The following SLC4A5 variants were observed in gnomAD, a reference collection of about 807,000 sequenced individuals.
SLC4A5 encodes the protein solute carrier family 4 member 5.
In SLC4A5, 96 loss-of-function variants were observed where a neutral mutation model predicts 120.4. That is an observed-to-expected ratio of 0.80 (90% CI 0.68 to 0.94). The LOEUF is 0.94. Among genes scored for constraint, SLC4A5 ranks in the 40% least tolerant of loss-of-function variants. The probability of loss-of-function intolerance (pLI) is 0.00; values close to 1 mark genes in which losing one functional copy is unlikely to be tolerated. For synonymous variants in SLC4A5, 550 were observed against 571.1 expected, an observed-to-expected ratio of 0.96 and a Z score of 0.53; for missense variants, 1,259 against 1,459.5, an observed-to-expected ratio of 0.86 and a Z score of 2.24.
At chr2:74,227,049 G>C (rs767939908) in exon 27 of SLC4A5, 3 of 1,614,152 alleles carry the variant, frequency 1.9e-6, no homozygotes, top group South Asian at 2.2e-5. Context: ...AGGTGGATCC[G>C]GCGCAGCGGC....
chr2:74,241,124 T>C (rs897434599), intron 20 of SLC4A5, among the ~76,000 whole-genome samples: 3 of 151,826 alleles, frequency 2.0e-5, no homozygotes, highest in Non-Finnish European at 4.4e-5. Context: ...CTGCTAGAAA[T>C]TGGGGGTCCT....
intron 23 of SLC4A5, among the ~76,000 whole-genome samples, chr2:74,233,013 G>A (rs985503415): frequency 6.6e-6 from 1 of 152,188 alleles, no homozygotes; most frequent in Non-Finnish European, 1.5e-5. Context: ...GGGGTGACCC[G>A]AGTCTTCTCA....
exon 20 of SLC4A5, chr2:74,242,011 C>A: frequency 6.2e-7 from 1 of 1,606,354 alleles, no homozygotes; most frequent in South Asian, 1.1e-5. Flanking sequence ...GCGTTGGTGT[C>A]TGGTGCCAAT....
intron 27 of SLC4A5, among the ~76,000 whole-genome samples, chr2:74,225,915 A>G (rs1217362516): frequency 6.6e-6 from 1 of 152,082 alleles, no homozygotes; most frequent in African/African-American, 2.4e-5. Context: ...CTCATCTGTA[A>G]AGCGGGGTTA....
intron 7 of SLC4A5, among the ~76,000 whole-genome samples, chr2:74,300,964 C>CA (rs1672462208): frequency 6.6e-6 from 1 of 152,156 alleles, no homozygotes; most frequent in African/African-American, 2.4e-5. Context: ...AAATGTGGTT[C>CA]AAGGAAGCAT....
chr2:74,313,235 T>C (rs1251854703), intron 6 of SLC4A5, among the ~76,000 whole-genome samples: 9 of 151,828 alleles, frequency 5.9e-5, no homozygotes, highest in African/African-American at 1.9e-4. Context: ...TTCTCTCATC[T>C]CTGAGTGTAT....
exon 10 of SLC4A5, chr2:74,264,275 T>G: frequency 6.2e-7 from 1 of 1,614,094 alleles, no homozygotes; most frequent in Non-Finnish European, 8.5e-7. Flanking sequence ...GAGACCATCC[T>G]CAATCTGCTT....
chr2:74,259,534 A>C, intron 12 of SLC4A5, 54 bp downstream of exon 12: 2 of 1,588,914 alleles, frequency 1.3e-6, no homozygotes, highest in Non-Finnish European at 8.6e-7. Flanking sequence ...CTGAAACCAA[A>C]GACTTTTTCC....
At chr2:74,226,252 C>T (rs1694838068) in intron 27 of SLC4A5, among the ~76,000 whole-genome samples, 1 of 152,212 alleles carries the variant, frequency 6.6e-6, no homozygotes, top group South Asian at 2.1e-4. Context: ...AGTGTCCTTA[C>T]TTTGTCCCCT....
chr2:74,255,674 G>A lies in SLC4A5; in HGVS notation c.1025+101C>T, dbSNP rs1335596921. ...CTTCCCAGCAGCCTCCACGTTTAGA[G>A]GTGCCTTTGAGAACACTAACAGTCA... On this transcript the variant is annotated intron_variant, in intron 13 of 30. Transcript: ENST00000394019. This position sits in a 1 kb window ranked among gnomAD's most constrained non-coding sequence, Gnocchi z 4.0. 8.8e-6 allele frequency: 12 copies of A among 1,362,656 alleles called. No individual in the cohort carries two copies. The Admixed American group carries it at 2.3e-4, about 26-fold the overall frequency. The allele number at this position is 1,362,656 out of a possible 1,614,324, so 84.4% of individuals were successfully genotyped here.
chr2:74,330,539 G>A (rs991984727), intron 4 of SLC4A5, among the ~76,000 whole-genome samples: 1 of 151,508 alleles, frequency 6.6e-6, no homozygotes, highest in Non-Finnish European at 1.5e-5. Context: ...AGATGGAGGT[G>A]TATGGTGTAA....
Position 74,297,347 on chromosome 2 carries a change from T to C in SLC4A5, c.271+7142A>G, listed in dbSNP as rs149251290. 7.0e-4 allele frequency among the ~76,000 whole-genome samples: 107 copies of C among 152,338 alleles called. 1 individual carries two copies. The highest frequency in any genetic ancestry group is 2.4e-3 in the African/African-American group (98 of 41,588). ...CGTAGCAATCTGGCATGAACAACCA[T>C]GCAGTTTGCCTAGGACCGATCTGGT... is the stretch of plus-strand genomic sequence containing the variant. On this transcript the variant is annotated intron_variant, in intron 7 of 30. Transcript: ENST00000394019.
At chr2:74,300,765 G>C (rs1452555585) in intron 7 of SLC4A5, among the ~76,000 whole-genome samples, 1 of 152,182 alleles carries the variant, frequency 6.6e-6, no homozygotes, top group Non-Finnish European at 1.5e-5. Flanking sequence ...AAGGAGCTCT[G>C]ACATGATCCA....
chr2:74,290,407 G>T (rs961917310), intron 7 of SLC4A5: 1 of 985,318 alleles, frequency 1.0e-6, no homozygotes, highest in Non-Finnish European at 1.2e-6. Flanking sequence ...GAGGTGTGGG[G>T]AGAGAAGAAG....
At chr2:74,265,970 C>T (rs1013368205) in intron 8 of SLC4A5, among the ~76,000 whole-genome samples, 6 of 152,178 alleles carry the variant, frequency 3.9e-5, no homozygotes, top group Non-Finnish European at 7.3e-5. Flanking sequence ...AGACACCTAG[C>T]TCCCCTTTGT....
At chr2:74,223,516 C>A (rs1694734295) in intron 28 of SLC4A5, among the ~76,000 whole-genome samples, 1 of 152,226 alleles carries the variant, frequency 6.6e-6, no homozygotes, top group South Asian at 2.1e-4. Flanking sequence ...TTATCTGTCA[C>A]AGCAACCAGT....
At chr2:74,249,783 C>G (rs1245423099) in intron 17 of SLC4A5, among the ~76,000 whole-genome samples, 1 of 152,162 alleles carries the variant, frequency 6.6e-6, no homozygotes, top group Non-Finnish European at 1.5e-5. Context: ...CAAAAGGCAG[C>G]TTGACAAATG....
intron 5 of SLC4A5, among the ~76,000 whole-genome samples, chr2:74,324,808 A>G (rs573060160): frequency 5.7e-4 from 87 of 152,252 alleles, no homozygotes; most frequent in African/African-American, 2.1e-3. Context: ...CCAGCCACAG[A>G]GACTGGTTCA....
chr2:74,278,619 G>C (rs559832218), intron 8 of SLC4A5, among the ~76,000 whole-genome samples: 1 of 152,236 alleles, frequency 6.6e-6, no homozygotes, highest in Admixed American at 6.5e-5. Context: ...GCTTGATCCA[G>C]GTTCTGATTC....
Sources: allele counts gnomAD v4.1 joint callset (sites outside exome capture counted in the v4.1 genomes callset), GRCh38; gene constraint gnomAD v4.1.1; non-coding constraint Gnocchi (gnomAD v3.1); transcripts MANE v1.5; gene names NCBI Gene and HGNC (gene_info 2026-07-23, HGNC 2026-07-21).